PXDNL: variants seen among roughly 807,000 people sequenced by gnomAD.
PXDNL encodes the protein peroxidasin like.
In PXDNL, 145 loss-of-function variants were observed where a neutral mutation model predicts 150.8. That is an observed-to-expected ratio of 0.96 (90% confidence interval 0.84 to 1.10). The LOEUF (loss-of-function observed/expected upper bound fraction) is 1.10. Ranked by LOEUF, PXDNL falls within the 50% of genes least tolerant of loss-of-function variation. PXDNL has a pLI of 0.00. For missense variants in PXDNL, 2,087 were observed against 1,873.9 expected, an observed-to-expected ratio of 1.11 and a Z score of -2.10; for synonymous variants, 757 against 725.7, an observed-to-expected ratio of 1.04 and a Z score of -0.69.
intron 2 of PXDNL, among the ~76,000 whole-genome samples, chr8:51,651,303 C>T (rs1007507813): frequency 4.6e-5 from 7 of 152,066 alleles, no homozygotes; most frequent in South Asian, 2.1e-4. Flanking sequence ...GACAGAGAAA[C>T]GTGAATGTGG....
At chr8:51,570,037 T>C (rs1483131784) in intron 3 of PXDNL, among the ~76,000 whole-genome samples, 1 of 151,970 alleles carries the variant, frequency 6.6e-6, no homozygotes, top group Non-Finnish European at 1.5e-5. Flanking sequence ...ATTTCTTAGT[T>C]ACAGTGTTTA....
intron 1 of PXDNL, among the ~76,000 whole-genome samples, chr8:51,702,713 G>A (rs896310744): frequency 1.6e-4 from 25 of 152,068 alleles, no homozygotes; most frequent in Admixed American, 1.3e-4. Context: ...TAACATCACC[G>A]ACTTCAAGAA....
intron 17 of PXDNL, among the ~76,000 whole-genome samples, chr8:51,381,784 C>G (rs1216189786): frequency 1.3e-5 from 2 of 151,562 alleles, no homozygotes; most frequent in African/African-American, 4.8e-5. Context: ...TCCCGAGTAG[C>G]TGGGACTATA....
intron 8 of PXDNL, among the ~76,000 whole-genome samples, chr8:51,467,147 A>G (rs749180908): frequency 6.6e-6 from 1 of 152,186 alleles, no homozygotes. Context: ...ACAGGTTCCT[A>G]TCAATGGTGG....
chr8:51,366,536 C>T (rs1806924492), intron 19 of PXDNL, among the ~76,000 whole-genome samples: 1 of 151,590 alleles, frequency 6.6e-6, no homozygotes, highest in African/African-American at 2.4e-5. Context: ...TGTATGTGTA[C>T]ACACCTATAC....
At chr8:51,759,115 G>C (rs1345614596) in intron 1 of PXDNL, among the ~76,000 whole-genome samples, 1 of 152,172 alleles carries the variant, frequency 6.6e-6, no homozygotes, top group African/African-American at 2.4e-5. Flanking sequence ...CTGATGTACA[G>C]AGGCTCCCAG....
intron 1 of PXDNL, among the ~76,000 whole-genome samples, chr8:51,690,754 C>T (rs1815976892): frequency 2.6e-5 from 4 of 151,074 alleles, no homozygotes; most frequent in East Asian, 1.9e-4. Flanking sequence ...CACTGACTTC[C>T]ACAATGGTTG....
At chr8:51,469,464 C>T (rs7842032) in intron 8 of PXDNL, among the ~76,000 whole-genome samples, 31,255 of 151,894 alleles carry the variant, frequency 0.21, 4,337 homozygotes, top group African/African-American at 0.39. Flanking sequence ...GGATAGACAC[C>T]AGACCTTTGC....
intron 19 of PXDNL, among the ~76,000 whole-genome samples, chr8:51,352,352 G>A (rs1045282516): frequency 5.9e-5 from 9 of 152,016 alleles, no homozygotes; most frequent in Admixed American, 2.0e-4. Context: ...AAAGTGCATC[G>A]GTGGATTAAA....
intron 2 of PXDNL, among the ~76,000 whole-genome samples, chr8:51,603,860 T>A (rs1037512016): frequency 2.6e-5 from 4 of 152,178 alleles, no homozygotes; most frequent in African/African-American, 9.6e-5. Flanking sequence ...CAGGCAACTC[T>A]GTTGCTAAAT....
intron 17 of PXDNL, among the ~76,000 whole-genome samples, chr8:51,400,769 T>A (rs1369631823): frequency 1.3e-5 from 2 of 152,232 alleles, no homozygotes; most frequent in East Asian, 3.8e-4. Context: ...AATGTGTTGT[T>A]CTCTGTTGTA....
Position 51,472,185 on chromosome 8 carries a change from A to C in PXDNL, c.812+2T>G. ...CAACCCATGTCCATGCTCAGTATTT[A>C]CTTGTTGTGTATCCAAATAATCTCA... On this transcript the variant is annotated splice_donor_variant, in intron 8 of 22. Coordinates refer to ENST00000356297, the MANE Select transcript of PXDNL (RefSeq NM_144651.5). LOFTEE classifies it high-confidence loss of function. 6.3e-7 allele frequency: 1 copy of C among 1,593,450 alleles called. No individual in the cohort carries two copies.
intron 1 of PXDNL, among the ~76,000 whole-genome samples, chr8:51,656,054 T>C (rs1479484025): frequency 6.6e-6 from 1 of 152,192 alleles, no homozygotes; most frequent in Admixed American, 6.6e-5. Flanking sequence ...CTTGGAAATG[T>C]TAGGCCCAAG....
rs552186924 is a variant in PXDNL, at chr8:51,620,264, A to G, written c.237-27566T>C. On this transcript the variant is annotated intron_variant, in intron 2 of 22. Coordinates refer to ENST00000356297, the MANE Select transcript of PXDNL (RefSeq NM_144651.5). ...TGGCCATATCTTTTAGATATCCCAA[A>G]GTAATTTTCTATATTTTGAAGGTTT... Among the ~76,000 whole-genome samples the G allele has an allele frequency of 1.5e-3, 235 of 152,352 alleles. 1 individual carries two copies. The highest frequency in any genetic ancestry group is 2.6e-3 in the Non-Finnish European group (174 of 68,030).
chr8:51,605,920 GCC>G (rs1813830796), intron 2 of PXDNL, among the ~76,000 whole-genome samples: 1 of 152,064 alleles, frequency 6.6e-6, no homozygotes, highest in Admixed American at 6.5e-5. Flanking sequence ...ACCATGTAAT[GCC>G]CCCTATCACA....
intron 1 of PXDNL, among the ~76,000 whole-genome samples, chr8:51,762,879 G>A (rs2037179780): frequency 6.6e-6 from 1 of 152,018 alleles, no homozygotes; most frequent in Admixed American, 6.6e-5. Flanking sequence ...ATCAACCCCA[G>A]TCTCTCATCT....
At chr8:51,355,022 T>A (rs1213659276) in intron 19 of PXDNL, among the ~76,000 whole-genome samples, 1 of 152,152 alleles carries the variant, frequency 6.6e-6, no homozygotes, top group Non-Finnish European at 1.5e-5. Context: ...TATTAGGTAC[T>A]AACAGACCCA....
intron 17 of PXDNL, among the ~76,000 whole-genome samples, chr8:51,391,297 G>C (rs1396163577): frequency 6.6e-6 from 1 of 152,070 alleles, no homozygotes; most frequent in Non-Finnish European, 1.5e-5. Flanking sequence ...TCTAGTTCTA[G>C]ATCCCTGAGG....
intron 2 of PXDNL, among the ~76,000 whole-genome samples, chr8:51,634,212 A>G (rs1814553538): frequency 6.6e-6 from 1 of 152,142 alleles, no homozygotes; most frequent in African/African-American, 2.4e-5. Flanking sequence ...CAGTTATCGC[A>G]GCACCATTTA....
Sources: gnomAD v4.1 joint callset for allele counts (sites outside exome capture counted in the v4.1 genomes callset) on GRCh38, gnomAD v4.1.1 for gene constraint, MANE v1.5 for transcripts, NCBI Gene and HGNC (gene_info 2026-07-23, HGNC 2026-07-21) for gene names.